GPHN: variants seen among roughly 807,000 people sequenced by gnomAD.
The protein encoded by GPHN is gephyrin.
A neutral mutation model predicts 95.5 loss-of-function variants in GPHN; 17 were observed. The ratio of observed to expected loss-of-function variants is 0.18; its 90% CI spans 0.12 to 0.27. The LOEUF is 0.27. Among genes scored for constraint, GPHN ranks in the 10% least tolerant of loss-of-function variants. GPHN has a pLI of 1.00. For missense variants in GPHN, 660 were observed against 978.1 expected (o/e 0.67, Z 4.34); for synonymous variants, 320 against 322.5 (o/e 0.99, Z 0.08).
At chr14:67,729,439 G>A in the GPHN span, 1 of 1,528,596 alleles carries the variant, frequency 6.5e-7, no homozygotes, top group South Asian at 1.1e-5. Context: ...TGCCGGACTC[G>A]CTGGGCTGTT....
At chr14:67,517,777 T>C in the GPHN span, among the ~76,000 whole-genome samples, 1 of 152,180 alleles carries the variant, frequency 6.6e-6, no homozygotes, top group African/African-American at 2.4e-5. Context: ...ATCTCCACTT[T>C]ATAAATGAGG....
intron 4 of GPHN, among the ~76,000 whole-genome samples, chr14:66,840,018 C>T (rs548027064): frequency 1.1e-4 from 17 of 152,158 alleles, no homozygotes; most frequent in African/African-American, 3.9e-4. Flanking sequence ...GTAGCTCATG[C>T]CTGTAATCCC....
chr14:67,582,131 A>C, the GPHN span: 1 of 1,613,660 alleles, frequency 6.2e-7, no homozygotes, highest in African/African-American at 1.3e-5. This position sits in a 1 kb window ranked among gnomAD's most constrained non-coding sequence, Gnocchi z 5.0. Context: ...CTTGCCTCTC[A>C]AACCAGTAGA....
chr14:67,242,346 C>T, the GPHN span, among the ~76,000 whole-genome samples: 2 of 152,050 alleles, frequency 1.3e-5, no homozygotes, highest in African/African-American at 4.8e-5. Flanking sequence ...TCTCCATACT[C>T]GTTTAGAATA....
the GPHN span, among the ~76,000 whole-genome samples, chr14:67,499,795 C>T: frequency 6.6e-6 from 1 of 151,990 alleles, no homozygotes; most frequent in Non-Finnish European, 1.5e-5. Context: ...GGAAAGGCAG[C>T]CTCAATTCCC....
chr14:67,144,712 A>G (rs1268561689), intron 18 of GPHN, among the ~76,000 whole-genome samples: 1 of 152,186 alleles, frequency 6.6e-6, no homozygotes, highest in African/African-American at 2.4e-5. Context: ...AACTGCCTAA[A>G]TTTATAACCT....
the GPHN span, among the ~76,000 whole-genome samples, chr14:67,700,437 C>T: frequency 2.0e-5 from 3 of 152,064 alleles, no homozygotes; most frequent in South Asian, 2.1e-4. Context: ...TACAGAAGGC[C>T]GGGCACAGTA....
At chr14:66,881,711 G>T (rs142223356) in intron 5 of GPHN, among the ~76,000 whole-genome samples, 1 of 151,928 alleles carries the variant, frequency 6.6e-6, no homozygotes, top group Admixed American at 6.6e-5. Context: ...AGGTTTTCCT[G>T]AATTAATTTT....
the GPHN span, among the ~76,000 whole-genome samples, chr14:67,245,496 A>C: frequency 6.6e-6 from 1 of 151,916 alleles, no homozygotes; most frequent in Non-Finnish European, 1.5e-5. Context: ...CTTATTGCTG[A>C]ATTTATTATT....
chr14:67,359,696 C>T, the GPHN span: 3 of 1,614,050 alleles, frequency 1.9e-6, no homozygotes, highest in Non-Finnish European at 2.5e-6. Flanking sequence ...CTTTGCCCGA[C>T]ATTCTGACGA....
At chr14:67,364,450 C>A in the GPHN span, 1 of 230,624 alleles carries the variant, frequency 4.3e-6, no homozygotes, top group Non-Finnish European at 8.6e-6. Flanking sequence ...TAGTATTTTA[C>A]TCTTGAGGTA....
intron 2 of GPHN, among the ~76,000 whole-genome samples, chr14:66,721,943 C>A (rs2070778412): frequency 8.1e-6 from 1 of 123,982 alleles, no homozygotes. Flanking sequence ...AAGAGCGAAA[C>A]TCTGTCTCAA....
chr14:67,504,855 C>T, the GPHN span, among the ~76,000 whole-genome samples: 2 of 152,048 alleles, frequency 1.3e-5, no homozygotes, highest in South Asian at 4.2e-4. Flanking sequence ...CATTGCACTC[C>T]AATCAGGGCA....
chr14:67,673,113 A>C, the GPHN span, among the ~76,000 whole-genome samples: 19 of 152,278 alleles, frequency 1.2e-4, no homozygotes, highest in Non-Finnish European at 2.5e-4. Context: ...AGTCCCAAAG[A>C]AGGCGGATCA....
chr14:67,648,175 A>G, the GPHN span: 6 of 1,613,698 alleles, frequency 3.7e-6, no homozygotes, highest in Non-Finnish European at 5.1e-6. Flanking sequence ...GAGGAAATAC[A>G]CAATACAGGT....
At chr14:67,473,126 T>C in the GPHN span, 1 of 414,816 alleles carries the variant, frequency 2.4e-6, no homozygotes, top group Non-Finnish European at 4.5e-6. This position sits in a 1 kb window ranked among gnomAD's most constrained non-coding sequence, Gnocchi z 6.5. Flanking sequence ...CAAAGTCAAC[T>C]ACATAGTCCA....
intron 4 of GPHN, among the ~76,000 whole-genome samples, chr14:66,875,633 A>G (rs2063622678): frequency 6.6e-6 from 1 of 152,210 alleles, no homozygotes; most frequent in Non-Finnish European, 1.5e-5. Flanking sequence ...CAGACTTTAA[A>G]CCAACAAAGA....
the GPHN span, among the ~76,000 whole-genome samples, chr14:67,599,784 G>C: frequency 0.99 from 150,721 of 152,334 alleles, 74,578 homozygotes; most frequent in Middle Eastern, 1. Flanking sequence ...GTGAACCCAC[G>C]GAGCAGAGCA....
chr14:66,861,661 A>G (rs779772881), intron 4 of GPHN, among the ~76,000 whole-genome samples: 3 of 152,118 alleles, frequency 2.0e-5, no homozygotes, highest in Non-Finnish European at 4.4e-5. Context: ...TCTGACCACA[A>G]TGGAATACAA....
Sources: gnomAD v4.1 joint callset for allele counts (sites outside exome capture counted in the v4.1 genomes callset) on GRCh38, gnomAD v4.1.1 for gene constraint, Gnocchi (gnomAD v3.1) non-coding constraint, MANE v1.5 for transcripts, NCBI Gene and HGNC (gene_info 2026-07-23, HGNC 2026-07-21) for gene names.